GABARAPL1: variants seen among roughly 807,000 people sequenced by gnomAD.
GABARAPL1 encodes the protein GABA type A receptor associated protein like 1.
Under a neutral mutation model 14.5 loss-of-function variants are expected in GABARAPL1, and 4 were observed. That is an observed-to-expected ratio of 0.28 (90% CI 0.14 to 0.63). The LOEUF (loss-of-function observed/expected upper bound fraction) is 0.63, where lower values mean the gene tolerates loss of function less well. Among genes scored for constraint, GABARAPL1 ranks in the 30% least tolerant of loss-of-function variants. The pLI is 0.84. For missense variants in GABARAPL1, 82 were observed against 139.2 expected (o/e 0.59, Z 2.07); for synonymous variants, 47 against 50.6 (o/e 0.93, Z 0.30).
chr12:10,220,490 G>A lies in GABARAPL1; in HGVS notation c.220G>A (p.Asp74Asn). 6.2e-7 allele frequency: 1 copy of A among 1,613,540 alleles called. No homozygotes were observed. The highest frequency in any genetic ancestry group is 8.5e-7 in the Non-Finnish European group (1 of 1,180,004). The change falls in exon 3 of 4, where the codon GAC (aspartate) becomes AAC (asparagine). Residue 74 changes from aspartate to asparagine, a missense_variant. Physicochemically the swap from Asp to Asn is conservative, Grantham distance 23 (BLOSUM62 1). Around this residue, in one of 3 missense-constraint regions of GABARAPL1, gnomAD observed 65 missense variants for 103.7 expected, o/e 0.63. Coordinates refer to ENST00000266458, the MANE Select transcript of GABARAPL1 (RefSeq NM_031412.4). Reference protein sequence around the residue: ...IRKRIHLRPEDALFFFVNNTI... With the variant: ...IRKRIHLRPENALFFFVNNTI... ...GAAGAGAATCCACCTGAGACCTGAG[G>A]ACGCCTTATTCTTCTTTGTCAACAA...
intron 2 of GABARAPL1, among the ~76,000 whole-genome samples, chr12:10,220,127 GA>G (rs1416640645): frequency 2.0e-5 from 3 of 152,156 alleles, no homozygotes; most frequent in Non-Finnish European, 4.4e-5. Flanking sequence ...TTTTGGTCTG[GA>G]TGCACATGGT....
At chr12:10,218,189 C>T (rs750357116) in intron 2 of GABARAPL1, 48 bp downstream of exon 2, 1 of 1,051,304 alleles carries the variant, frequency 9.5e-7, no homozygotes, top group Admixed American at 1.7e-5. Flanking sequence ...AAAAAACTCT[C>T]TAGATCCTCA....
intron 2 of GABARAPL1, among the ~76,000 whole-genome samples, chr12:10,219,572 C>T (rs4764330): frequency 0.48 from 73,642 of 151,862 alleles, 21,182 homozygotes; most frequent in Admixed American, 0.67. Flanking sequence ...GAGGCTGAGG[C>T]GGGTGGATCA....
At chr12:10,219,519 T>C (rs1433688050) in intron 2 of GABARAPL1, among the ~76,000 whole-genome samples, 3 of 152,132 alleles carry the variant, frequency 2.0e-5, no homozygotes, top group African/African-American at 7.2e-5. Context: ...CATATATTCA[T>C]TGTTGGGTGT....
intron 1 of GABARAPL1, among the ~76,000 whole-genome samples, chr12:10,216,475 C>T (rs1213541140): frequency 4.7e-5 from 7 of 149,546 alleles, no homozygotes; most frequent in African/African-American, 7.4e-5. Context: ...TTTTTTTCTG[C>T]GTCTTCACTT....
chr12:10,216,168 C>A (rs1016521613), intron 1 of GABARAPL1, among the ~76,000 whole-genome samples: 2 of 151,798 alleles, frequency 1.3e-5, no homozygotes, highest in African/African-American at 4.8e-5. Context: ...GTCAGGAGTT[C>A]GAAACCAGCC....
At chr12:10,214,540 T>C (rs1038381066) in intron 1 of GABARAPL1, 1 of 152,234 alleles carries the variant, frequency 6.6e-6, no homozygotes, top group African/African-American at 2.4e-5. Flanking sequence ...GTTCTGGTGA[T>C]ACCAATCTTT....
Position 10,222,625 on chromosome 12 carries a change from TTAA to T in GABARAPL1, c.*777_*779del, listed in dbSNP as rs1184901503. Reference sequence around the variant, plus strand: ...CCTTATCTCACCCCTTCCTTGGAATTTAATAAGTCTCAGGCATTTCCAATTGTA... The same window carrying T: ...CCTTATCTCACCCCTTCCTTGGAATTTAAGTCTCAGGCATTTCCAATTGTA... On this transcript the variant is annotated 3_prime_UTR_variant, in exon 4 of 4. Coordinates refer to ENST00000266458, the MANE Select transcript of GABARAPL1 (RefSeq NM_031412.4). 6.6e-6 allele frequency: 1 copy of T among 152,288 alleles called. No individual in the cohort carries two copies. The highest frequency in any genetic ancestry group is 1.5e-5 in the Non-Finnish European group (1 of 68,100). The allele number at this position is 152,288 out of a possible 1,614,324, so 9.4% of individuals were successfully genotyped here.
Position 10,212,981 on chromosome 12 carries a change from T to C in GABARAPL1, c.-149T>C. 1.7e-5 allele frequency: 8 copies of C among 471,484 alleles called. No homozygotes were observed. The highest frequency in any genetic ancestry group is 2.0e-5 in the African/African-American group (1 of 49,128). The allele number at this position is 471,484 out of a possible 1,614,324, so 29.2% of individuals were successfully genotyped here. On this transcript the variant is annotated 5_prime_UTR_variant, in exon 1 of 4. Coordinates refer to ENST00000266458, the MANE Select transcript of GABARAPL1 (RefSeq NM_031412.4). ...CGAGATCCCCGCCCCGAACCCCCCC[T>C]GCACACTCGGCCCAGCGCTGTTGCC... is the stretch of plus-strand genomic sequence containing the variant.
At chr12:10,215,351 A>G (rs1398400307) in intron 1 of GABARAPL1, among the ~76,000 whole-genome samples, 1 of 152,230 alleles carries the variant, frequency 6.6e-6, no homozygotes, top group African/African-American at 2.4e-5. Context: ...TCAGAGAGGA[A>G]GGGTTGGTGG....
At chr12:10,216,642 C>T (rs1323567618) in intron 1 of GABARAPL1, among the ~76,000 whole-genome samples, 3 of 149,646 alleles carry the variant, frequency 2.0e-5, no homozygotes, top group African/African-American at 7.4e-5. Flanking sequence ...CAGGTTCATG[C>T]GATTCTCCTG....
chr12:10,213,568 G>T, intron 1 of GABARAPL1: 1 of 335,796 alleles, frequency 3.0e-6, no homozygotes, highest in Non-Finnish European at 5.9e-6. Flanking sequence ...TGGTTAGATC[G>T]GGGCCATGGA....
intron 2 of GABARAPL1, among the ~76,000 whole-genome samples, chr12:10,219,642 A>G (rs1483848563): frequency 1.3e-5 from 2 of 152,102 alleles, no homozygotes; most frequent in East Asian, 1.9e-4. Flanking sequence ...TCTACTAAAA[A>G]TACAAAAGTT....
intron 1 of GABARAPL1, 67 bp downstream of exon 1, chr12:10,213,286 A>G: frequency 1.0e-6 from 1 of 999,638 alleles, no homozygotes; most frequent in East Asian, 2.6e-5. Context: ...GGTAGTCGAG[A>G]TGGCTTCCCT....
rs1185835814 is a variant in GABARAPL1, at chr12:10,213,077, G to A, written c.-53G>A. 17 of 1,102,166 alleles carry A rather than the reference G, an allele frequency of 1.5e-5. No individual in the cohort carries two copies. In the East Asian group the frequency reaches 4.2e-4, roughly 27 times the overall value. The allele number at this position is 1,102,166 out of a possible 1,614,324, so 68.3% of individuals were successfully genotyped here. A position where few individuals can be genotyped will look rare whatever the true frequency, so the allele number is the denominator to read the frequency against. ...CGGCTGAGGGAGCGGGACAGGGTCA[G>A]CGGCGAAGGAGGCAGGCCCCGCGCG... On this transcript the variant is annotated 5_prime_UTR_variant, in exon 1 of 4. Coordinates refer to ENST00000266458, the MANE Select transcript of GABARAPL1 (RefSeq NM_031412.4).
In GABARAPL1 at chr12:10,212,949, G is replaced by T. The variant is rs1328156956; in HGVS notation, c.-181G>T. 1.0e-5 allele frequency: 6 copies of T among 584,884 alleles called. No individual in the cohort carries two copies. The highest frequency in any genetic ancestry group is 1.9e-5 in the Non-Finnish European group (6 of 323,064). 36.2% of individuals were successfully genotyped at this position (584,884 alleles called of 1,614,324 possible). A position where few individuals can be genotyped will look rare whatever the true frequency, so the allele number is the denominator to read the frequency against. On this transcript the variant is annotated 5_prime_UTR_variant, in exon 1 of 4. Coordinates refer to ENST00000266458, the MANE Select transcript of GABARAPL1 (RefSeq NM_031412.4). ...CTGGCTCTCCTCTACCTCCAGGCAG[G>T]CTCACCCGAGATCCCCGCCCCGAAC...
At chr12:10,213,503 A>T (rs1191097884) in intron 1 of GABARAPL1, 14 of 403,420 alleles carry the variant, frequency 3.5e-5, no homozygotes, top group South Asian at 1.7e-4. Context: ...CGGTCTCAGC[A>T]GCTGAGACCG....
At chr12:10,217,253 C>A (rs536025122) in intron 1 of GABARAPL1, among the ~76,000 whole-genome samples, 1 of 152,242 alleles carries the variant, frequency 6.6e-6, no homozygotes, top group South Asian at 2.1e-4. Flanking sequence ...CATTGTCAGA[C>A]TTGTTTTAAC....
intron 1 of GABARAPL1, 44 bp downstream of exon 1, chr12:10,213,263 G>A: frequency 8.2e-7 from 1 of 1,215,652 alleles, no homozygotes; most frequent in Non-Finnish European, 1.2e-6. Context: ...AAGGGCCCGC[G>A]GGGGCGGGGG....
Sources: gnomAD v4.1 joint callset for allele counts (sites outside exome capture counted in the v4.1 genomes callset) on GRCh38, gnomAD v4.1.1 for gene constraint, gnomAD v4.1.1 regional missense constraint, MANE v1.5 for transcripts, NCBI Gene and HGNC (gene_info 2026-07-23, HGNC 2026-07-21) for gene names.